MTHFD1L: variants seen among roughly 807,000 people sequenced by gnomAD.
The protein encoded by MTHFD1L is monofunctional C1-tetrahydrofolate synthase, mitochondrial.
MTHFD1L carries 81 observed loss-of-function variants against 119.5 expected under a neutral mutation model. The ratio of observed to expected loss-of-function variants is 0.68; its 90% CI spans 0.57 to 0.82. MTHFD1L has a LOEUF of 0.82. Among genes scored for constraint, MTHFD1L ranks in the 40% least tolerant of loss-of-function variants. The pLI, the probability that MTHFD1L is intolerant of heterozygous loss-of-function variation, is 0.00. For synonymous variants in MTHFD1L, 430 were observed against 475.2 expected, an observed-to-expected ratio of 0.90 and a Z score of 1.24; for missense variants, 1,125 against 1,253.4, an observed-to-expected ratio of 0.90 and a Z score of 1.55.
At chr6:150,866,586 T>G in intron 1 of MTHFD1L, 1 of 1,225,400 alleles carries the variant, frequency 8.2e-7, no homozygotes, top group Non-Finnish European at 1.0e-6. Context: ...CGGCCCCTCC[T>G]GCTGGGCTGG....
In MTHFD1L at chr6:150,963,490, T is replaced by G. The variant is rs538463387; in HGVS notation, c.1945-1479T>G. Among the ~76,000 whole-genome samples, 53 of 144,682 alleles carry G rather than the reference T, an allele frequency of 3.7e-4. 1 individual carries two copies. The South Asian group carries it at 0.012, about 32-fold the overall frequency. 94.9% of individuals were successfully genotyped at this position (144,682 alleles called of 152,430 possible). Reference sequence around the variant, plus strand: ...TTATACACAATAAATACATACAGTTTTATCTGTCAATTTGAAGTTAAGGAA... The same window carrying G: ...TTATACACAATAAATACATACAGTTGTATCTGTCAATTTGAAGTTAAGGAA... On this transcript the variant is annotated intron_variant, in intron 18 of 27. Coordinates refer to ENST00000367321, the MANE Select transcript of MTHFD1L (RefSeq NM_015440.5).
intron 13 of MTHFD1L, among the ~76,000 whole-genome samples, chr6:150,941,730 T>C (rs1442715183): frequency 1.3e-5 from 2 of 152,026 alleles, no homozygotes; most frequent in South Asian, 2.1e-4. Context: ...AGGGGAGTGA[T>C]GGTATGAGGT....
intron 21 of MTHFD1L, among the ~76,000 whole-genome samples, chr6:151,011,795 G>C (rs752336810): frequency 9.2e-5 from 14 of 151,860 alleles, no homozygotes; most frequent in Non-Finnish European, 1.5e-4. Context: ...AGGCGTGGTG[G>C]CTCATGCCTG....
chr6:151,063,210 C>T (rs1437563522), intron 26 of MTHFD1L, among the ~76,000 whole-genome samples: 1 of 152,142 alleles, frequency 6.6e-6, no homozygotes, highest in Admixed American at 6.6e-5. Flanking sequence ...TACAGTCACA[C>T]ATCCTACCCA....
chr6:150,965,899 G>A (rs527348566), intron 19 of MTHFD1L, among the ~76,000 whole-genome samples: 1 of 152,274 alleles, frequency 6.6e-6, no homozygotes, highest in East Asian at 1.9e-4. Context: ...TGGTGGTAAG[G>A]TCTGGAGAAG....
At chr6:150,888,768 T>C (rs950069172) in intron 7 of MTHFD1L, among the ~76,000 whole-genome samples, 3 of 152,234 alleles carry the variant, frequency 2.0e-5, no homozygotes, top group African/African-American at 7.2e-5. Context: ...ATTATGCACT[T>C]ACAGTAATTA....
At chr6:151,053,859 C>CAAA (rs202176337) in intron 26 of MTHFD1L, among the ~76,000 whole-genome samples, 1 of 75,528 alleles carries the variant, frequency 1.3e-5, no homozygotes. Flanking sequence ...GACTCCATCT[C>CAAA]AAAAAAAAAA....
intron 7 of MTHFD1L, among the ~76,000 whole-genome samples, chr6:150,897,328 A>G (rs959284933): frequency 6.6e-6 from 1 of 152,232 alleles, no homozygotes; most frequent in African/African-American, 2.4e-5. Flanking sequence ...CTTATTAGGC[A>G]AAATATTCTA....
intron 4 of MTHFD1L, 93 bp downstream of exon 4, chr6:150,877,919 C>G: frequency 6.9e-7 from 1 of 1,451,254 alleles, no homozygotes; most frequent in Middle Eastern, 1.9e-4. Context: ...TGGGACAGAT[C>G]TAAGATTTGC....
chr6:150,900,946 C>T (rs1247779597), intron 7 of MTHFD1L, among the ~76,000 whole-genome samples: 2 of 151,280 alleles, frequency 1.3e-5, no homozygotes, highest in East Asian at 3.9e-4. Context: ...ACCCAGGAGG[C>T]GGAGCTTGCA....
intron 7 of MTHFD1L, among the ~76,000 whole-genome samples, chr6:150,896,083 TA>T (rs1784161515): frequency 1.3e-5 from 2 of 152,154 alleles, no homozygotes; most frequent in African/African-American, 4.8e-5. Context: ...ATCATGTGAT[TA>T]AAAAATGGTA....
intron 6 of MTHFD1L, 142 bp from the exon 7 acceptor site, chr6:150,887,703 T>A: frequency 1.3e-6 from 1 of 769,620 alleles, no homozygotes; most frequent in Non-Finnish European, 1.9e-6. Context: ...GTGATCCGCC[T>A]GCCTCAGCCT....
intron 7 of MTHFD1L, among the ~76,000 whole-genome samples, 158 bp downstream of exon 7, chr6:150,888,139 C>A (rs1782626295): frequency 1.3e-5 from 2 of 152,182 alleles, no homozygotes; most frequent in South Asian, 4.1e-4. Context: ...ACTCACCAGA[C>A]AAACAAACAA....
At chr6:151,028,821 A>T (rs899804022) in intron 24 of MTHFD1L, among the ~76,000 whole-genome samples, 1 of 152,172 alleles carries the variant, frequency 6.6e-6, no homozygotes, top group East Asian at 1.9e-4. Flanking sequence ...TGCGGCTGTA[A>T]TCCCAGCACT....
chr6:151,028,294 G>C (rs1299024786), intron 24 of MTHFD1L, among the ~76,000 whole-genome samples: 1 of 152,112 alleles, frequency 6.6e-6, no homozygotes, highest in Admixed American at 6.5e-5. Context: ...AAGGAAGAAA[G>C]TTTAGTTGGT....
At chr6:151,056,548 C>T (rs1157064214) in intron 26 of MTHFD1L, among the ~76,000 whole-genome samples, 1 of 152,194 alleles carries the variant, frequency 6.6e-6, no homozygotes, top group Non-Finnish European at 1.5e-5. Context: ...CAAGCTGAAC[C>T]TCTTAGAGCT....
intron 6 of MTHFD1L, 122 bp from the exon 7 acceptor site, chr6:150,887,723 C>G (rs1782547800): frequency 1.9e-6 from 2 of 1,063,962 alleles, no homozygotes; most frequent in South Asian, 2.2e-5. Flanking sequence ...TCCCAAAGTG[C>G]TGGAATTATA....
At chr6:151,048,853 G>C (rs1223156815) in intron 26 of MTHFD1L, among the ~76,000 whole-genome samples, 2 of 152,174 alleles carry the variant, frequency 1.3e-5, no homozygotes, top group African/African-American at 4.8e-5. Flanking sequence ...CGCTTCTGTG[G>C]CTGGCTGTGT....
At chr6:151,051,987 G>A (rs73780397) in intron 26 of MTHFD1L, among the ~76,000 whole-genome samples, 1 of 152,242 alleles carries the variant, frequency 6.6e-6, no homozygotes, top group Non-Finnish European at 1.5e-5. Flanking sequence ...AATAACATTG[G>A]AAGTGGAGAG....
Sources: gnomAD v4.1 joint callset for allele counts (sites outside exome capture counted in the v4.1 genomes callset) on GRCh38, gnomAD v4.1.1 for gene constraint, MANE v1.5 for transcripts, NCBI Gene and HGNC (gene_info 2026-07-23, HGNC 2026-07-21) for gene names.